The following DAB1 variants were observed in gnomAD, a reference collection of about 807,000 sequenced individuals.
The protein encoded by DAB1 is disabled homolog 1.
DAB1 carries 15 observed loss-of-function variants against 64.6 expected under a neutral mutation model. The observed-to-expected ratio is 0.23, with a 90% CI of 0.16 to 0.36. DAB1 has a LOEUF of 0.36. Ranked by LOEUF, DAB1 falls within the 10% of genes least tolerant of loss-of-function variation. DAB1 has a pLI of 1.00. For missense variants in DAB1, 596 were observed against 706.7 expected, an observed-to-expected ratio of 0.84 and a Z score of 1.78; for synonymous variants, 235 against 251.9, an observed-to-expected ratio of 0.93 and a Z score of 0.64.
chr1:57,420,090 A>G (rs1387551783), intron 1 of DAB1, among the ~76,000 whole-genome samples: 1 of 152,258 alleles, frequency 6.6e-6, no homozygotes, highest in Non-Finnish European at 1.5e-5. Flanking sequence ...CAGAGTCACA[A>G]GTGTTCAAAG....
chr1:58,279,821 G>A (rs182636433), intron 4 of DAB1, among the ~76,000 whole-genome samples: 1 of 152,118 alleles, frequency 6.6e-6, no homozygotes, highest in African/African-American at 2.4e-5. Context: ...GCTGTGAAGA[G>A]GAGGTTTTCT....
chr1:57,924,909 A>T (rs550613111), intron 5 of DAB1, among the ~76,000 whole-genome samples: 41 of 152,242 alleles, frequency 2.7e-4, no homozygotes, highest in African/African-American at 9.9e-4. Context: ...AAATGCCAAT[A>T]ATTATTATTA....
At chr1:58,461,634 C>T (rs1271351666) in intron 3 of DAB1, among the ~76,000 whole-genome samples, 2 of 152,158 alleles carry the variant, frequency 1.3e-5, no homozygotes, top group Non-Finnish European at 1.5e-5. Context: ...CAGAAAGGTA[C>T]ATACACATCA....
At chr1:57,264,380 T>C (rs1251200324) in intron 2 of DAB1, among the ~76,000 whole-genome samples, 1 of 152,192 alleles carries the variant, frequency 6.6e-6, no homozygotes, top group African/African-American at 2.4e-5. Flanking sequence ...ATTCAACATA[T>C]GATCATTGAA....
intron 1 of DAB1, among the ~76,000 whole-genome samples, chr1:57,345,691 C>T (rs1482011302): frequency 6.6e-6 from 1 of 152,152 alleles, no homozygotes; most frequent in Non-Finnish European, 1.5e-5. Context: ...GCAAAAATAA[C>T]TGTAATTACT....
intron 2 of DAB1, among the ~76,000 whole-genome samples, chr1:57,247,926 A>G (rs1669009995): frequency 6.6e-6 from 1 of 152,162 alleles, no homozygotes; most frequent in Non-Finnish European, 1.5e-5. Flanking sequence ...TGGAAAAGAG[A>G]CACCCTCCAA....
intron 6 of DAB1, among the ~76,000 whole-genome samples, chr1:57,759,931 A>G (rs756768621): frequency 6.6e-5 from 10 of 152,182 alleles, no homozygotes; most frequent in Admixed American, 3.3e-4. Flanking sequence ...AGAGCAACGC[A>G]TTGGAACGTA....
intron 5 of DAB1, among the ~76,000 whole-genome samples, chr1:58,032,890 C>T (rs943538420): frequency 6.6e-6 from 1 of 152,232 alleles, no homozygotes; most frequent in African/African-American, 2.4e-5. Context: ...TGGCCCCTGC[C>T]TACTTCTCTG....
chr1:57,929,345 A>G (rs993364990), intron 5 of DAB1, among the ~76,000 whole-genome samples: 2 of 152,214 alleles, frequency 1.3e-5, no homozygotes, highest in Non-Finnish European at 2.9e-5. Flanking sequence ...TGTTTCAAAT[A>G]TGTTCATAAA....
chr1:57,751,834 T>TTA (rs1553125454), intron 6 of DAB1, among the ~76,000 whole-genome samples: 8 of 150,786 alleles, frequency 5.3e-5, no homozygotes, highest in African/African-American at 2.0e-4. Context: ...ATTCTTTACT[T>TTA]AATAAATAAA....
At chr1:57,238,895 C>CACACACACACA (rs1558002698) in intron 2 of DAB1, among the ~76,000 whole-genome samples, 5 of 124,792 alleles carry the variant, frequency 4.0e-5, no homozygotes, top group African/African-American at 1.4e-4. Flanking sequence ...ACACACACAC[C>CACACACACACA]CCTAACTTGA....
intron 2 of DAB1, among the ~76,000 whole-genome samples, chr1:57,275,188 A>T (rs1205528894): frequency 3.9e-5 from 6 of 152,158 alleles, no homozygotes; most frequent in Non-Finnish European, 8.8e-5. Context: ...ACAAGCAATG[A>T]TGGATGCCAA....
At chr1:57,080,762 A>G (rs1652436356) in intron 4 of DAB1, among the ~76,000 whole-genome samples, 1 of 151,944 alleles carries the variant, frequency 6.6e-6, no homozygotes, top group African/African-American at 2.4e-5. Context: ...ACACGCACAC[A>G]CACACACACA....
chr1:57,421,902 C>CGGGGGGGGGGGGG (rs1309675216), intron 1 of DAB1, among the ~76,000 whole-genome samples: 3 of 11,716 alleles, frequency 2.6e-4, no homozygotes, highest in Non-Finnish European at 5.1e-4. Context: ...TGGGGGGTGG[C>CGGGGGGGGGGGGG]GGGGGGGGGG....
At chr1:58,454,366 G>C (rs1052620766) in intron 3 of DAB1, among the ~76,000 whole-genome samples, 2 of 152,174 alleles carry the variant, frequency 1.3e-5, no homozygotes, top group Admixed American at 1.3e-4. Context: ...CTCATCTTCA[G>C]ACCCATTCAG....
intron 6 of DAB1, among the ~76,000 whole-genome samples, chr1:57,788,888 G>A (rs1359691319): frequency 4.6e-5 from 7 of 152,112 alleles, no homozygotes; most frequent in Admixed American, 1.3e-4. Flanking sequence ...TCTAAGAGCT[G>A]CCACCAAAAA....
intron 2 of DAB1, among the ~76,000 whole-genome samples, chr1:57,224,179 G>C (rs2100398279): frequency 6.6e-6 from 1 of 152,324 alleles, no homozygotes; most frequent in Middle Eastern, 3.4e-3. Context: ...GAACACAACA[G>C]TGGCTCAACA....
At chr1:57,585,278 C>G (rs1226650088) in intron 7 of DAB1, among the ~76,000 whole-genome samples, 1 of 122,378 alleles carries the variant, frequency 8.2e-6, no homozygotes, top group South Asian at 2.7e-4. Context: ...AAAAAAAAGA[C>G]TTACACCTTA....
At chr1:57,302,003 A>G (rs557225125) in intron 1 of DAB1, among the ~76,000 whole-genome samples, 1 of 152,242 alleles carries the variant, frequency 6.6e-6, no homozygotes, top group African/African-American at 2.4e-5. Context: ...CTCAAACATC[A>G]TATTTTTACC....
Sources: gnomAD v4.1 joint callset for allele counts (sites outside exome capture counted in the v4.1 genomes callset) on GRCh38, gnomAD v4.1.1 for gene constraint, MANE v1.5 for transcripts, NCBI Gene and HGNC (gene_info 2026-07-23, HGNC 2026-07-21) for gene names.